AGBL1: variants seen among roughly 807,000 people sequenced by gnomAD.
The protein encoded by AGBL1 is cytosolic carboxypeptidase 4.
In AGBL1, 130 loss-of-function variants were observed where a neutral mutation model predicts 118.9. The ratio of observed to expected loss-of-function variants is 1.09; its 90% confidence interval spans 0.95 to 1.26. The LOEUF (loss-of-function observed/expected upper bound fraction) is 1.26, where lower values mean the gene tolerates loss of function less well. Ranked by LOEUF, AGBL1 falls within the 50% of genes most tolerant of loss-of-function variation. The probability of loss-of-function intolerance (pLI) is 0.00; values close to 1 mark genes in which losing one functional copy is unlikely to be tolerated. For missense variants in AGBL1, 1,584 were observed against 1,298.1 expected, an observed-to-expected ratio of 1.22 and a Z score of -3.38; for synonymous variants, 555 against 478.9, an observed-to-expected ratio of 1.16 and a Z score of -2.08.
chr15:86,396,562 T>C (rs1268852665), intron 17 of AGBL1, among the ~76,000 whole-genome samples: 1 of 152,056 alleles, frequency 6.6e-6, no homozygotes, highest in Non-Finnish European at 1.5e-5. Context: ...AAGGACTGGG[T>C]TCAGGGTCTT....
At chr15:86,237,997 G>A (rs1466318149) in intron 6 of AGBL1, among the ~76,000 whole-genome samples, 2 of 152,172 alleles carry the variant, frequency 1.3e-5, no homozygotes, top group Non-Finnish European at 2.9e-5. Context: ...GAGGTTTGAA[G>A]AATTTCCTAT....
intron 23 of AGBL1, among the ~76,000 whole-genome samples, chr15:86,946,739 C>T (rs550619504): frequency 4.0e-4 from 58 of 143,242 alleles, no homozygotes; most frequent in Non-Finnish European, 1.4e-4. Context: ...CTCAGCTACT[C>T]GGGAGGCTGA....
chr15:86,370,332 TCTCA>T (rs1212785312), intron 17 of AGBL1, among the ~76,000 whole-genome samples: 2 of 134,616 alleles, frequency 1.5e-5, no homozygotes, highest in African/African-American at 5.6e-5. Context: ...TTAGACAGAA[TCTCA>T]CTCTGTCACC....
chr15:86,519,539 A>G (rs1342921831), intron 18 of AGBL1, among the ~76,000 whole-genome samples: 2 of 152,222 alleles, frequency 1.3e-5, no homozygotes, highest in Non-Finnish European at 2.9e-5. Flanking sequence ...GGATTCAGAG[A>G]TCAGAAGCAA....
At chr15:86,825,525 T>G (rs2078996552) in intron 22 of AGBL1, among the ~76,000 whole-genome samples, 1 of 142,752 alleles carries the variant, frequency 7.0e-6, no homozygotes, top group African/African-American at 2.6e-5. Flanking sequence ...ACTTAGAAAA[T>G]GGACAAAATA....
intron 22 of AGBL1, among the ~76,000 whole-genome samples, chr15:86,838,179 C>CT (rs1292410114): frequency 7.1e-6 from 1 of 140,264 alleles, no homozygotes; most frequent in Non-Finnish European, 1.5e-5. Flanking sequence ...GCTCTGTAAC[C>CT]TAAAAAAAAA....
At chr15:86,577,594 A>G (rs905525284) in intron 21 of AGBL1, among the ~76,000 whole-genome samples, 4 of 152,194 alleles carry the variant, frequency 2.6e-5, no homozygotes, top group African/African-American at 7.2e-5. Flanking sequence ...AGAGGTTGTC[A>G]TGGTAGCCTC....
chr15:86,412,135 C>G (rs1230948296), intron 18 of AGBL1, among the ~76,000 whole-genome samples: 1 of 152,168 alleles, frequency 6.6e-6, no homozygotes, highest in Non-Finnish European at 1.5e-5. Flanking sequence ...CAAATAATTA[C>G]TTGGCATTTT....
chr15:86,251,555 T>C (rs2078816147), intron 7 of AGBL1, among the ~76,000 whole-genome samples: 1 of 152,178 alleles, frequency 6.6e-6, no homozygotes, highest in South Asian at 2.1e-4. Context: ...AGGAACTTTT[T>C]TTAAGTCCTT....
intron 21 of AGBL1, among the ~76,000 whole-genome samples, chr15:86,621,026 C>T (rs2084795394): frequency 6.6e-6 from 1 of 152,222 alleles, no homozygotes; most frequent in East Asian, 1.9e-4. Flanking sequence ...CCTCGCTTTC[C>T]TGGAATTTGC....
At chr15:86,463,792 G>C (rs1393602149) in intron 18 of AGBL1, among the ~76,000 whole-genome samples, 1 of 152,046 alleles carries the variant, frequency 6.6e-6, no homozygotes, top group Non-Finnish European at 1.5e-5. Context: ...CTGTTCCATT[G>C]GTCTATATAT....
intron 3 of AGBL1, among the ~76,000 whole-genome samples, chr15:86,153,761 T>C (rs950248655): frequency 6.6e-6 from 1 of 152,212 alleles, no homozygotes; most frequent in East Asian, 1.9e-4. Flanking sequence ...GATGGCCTAT[T>C]ATATACCTAA....
At chr15:86,955,309 T>C (rs887172904) in intron 23 of AGBL1, among the ~76,000 whole-genome samples, 1 of 151,998 alleles carries the variant, frequency 6.6e-6, no homozygotes, top group Non-Finnish European at 1.5e-5. Context: ...AATCATAGAA[T>C]CACAATGAAA....
At chr15:86,685,724 C>A (rs28647997) in intron 22 of AGBL1, among the ~76,000 whole-genome samples, 272 of 152,010 alleles carry the variant, frequency 1.8e-3, no homozygotes, top group African/African-American at 6.3e-3. Flanking sequence ...TTGATAAAAG[C>A]CAAATCAGTA....
intron 17 of AGBL1, among the ~76,000 whole-genome samples, chr15:86,378,681 GATTATT>G (rs35489192): frequency 2.0e-5 from 3 of 151,024 alleles, no homozygotes; most frequent in Admixed American, 6.6e-5. Context: ...AGTGAGATGG[GATTATT>G]ATTATTATTA....
intron 21 of AGBL1, among the ~76,000 whole-genome samples, chr15:86,646,814 G>C (rs147318795): frequency 1.3e-5 from 2 of 152,136 alleles, no homozygotes; most frequent in Non-Finnish European, 2.9e-5. Flanking sequence ...ACATGTGTTT[G>C]ATAGGTGGTG....
intron 23 of AGBL1, among the ~76,000 whole-genome samples, chr15:86,958,996 T>C (rs951063522): frequency 6.6e-6 from 1 of 152,116 alleles, no homozygotes; most frequent in Non-Finnish European, 1.5e-5. Context: ...CAATAATATA[T>C]ACTGTTTATA....
chr15:86,757,217 G>A (rs2077955490), intron 22 of AGBL1, among the ~76,000 whole-genome samples: 1 of 152,054 alleles, frequency 6.6e-6, no homozygotes, highest in South Asian at 2.1e-4. Flanking sequence ...ATTTCTAGCG[G>A]CAAGTGAGTA....
chr15:86,889,939 T>C (rs2080027282), intron 22 of AGBL1, among the ~76,000 whole-genome samples: 2 of 152,212 alleles, frequency 1.3e-5, no homozygotes, highest in African/African-American at 4.8e-5. Flanking sequence ...TCAAATGATA[T>C]TGCTGCCTCT....
Sources: allele counts gnomAD v4.1 joint callset (sites outside exome capture counted in the v4.1 genomes callset), GRCh38; gene constraint gnomAD v4.1.1; transcripts MANE v1.5; gene names NCBI Gene and HGNC (gene_info 2026-07-23, HGNC 2026-07-21).